The following FGGY variants were observed in gnomAD, a reference collection of about 807,000 sequenced individuals.
The protein encoded by FGGY is FGGY carbohydrate kinase domain containing.
In FGGY, 72 loss-of-function variants were observed where a neutral mutation model predicts 71.3. The observed-to-expected ratio is 1.01, with a 90% CI of 0.84 to 1.23. The LOEUF (loss-of-function observed/expected upper bound fraction) is 1.23, where lower values mean the gene tolerates loss of function less well. Ranked by LOEUF, FGGY falls within the 50% of genes most tolerant of loss-of-function variation. FGGY has a pLI of 0.00. For missense variants in FGGY, 668 were observed against 682.3 expected, an observed-to-expected ratio of 0.98 and a Z score of 0.23; for synonymous variants, 251 against 250.3, an observed-to-expected ratio of 1.00 and a Z score of -0.02.
At position 59,489,110 on chromosome 1, in the gene FGGY, A is replaced by T. The variant is rs1341031456; in HGVS notation, c.671-23201A>T. ...AAAAATAATTTTTTATTTTTAATTG[A>T]CGTTTTATACATATTTAGGGGGTAC... On this transcript the variant is annotated intron_variant, in intron 6 of 15. Transcript: ENST00000303721. Among the ~76,000 whole-genome samples, 4 of 152,208 alleles carry T rather than the reference A, an allele frequency of 2.6e-5. No individual in the cohort carries two copies. In the East Asian group the frequency reaches 7.7e-4, roughly 29 times the overall value.
At chr1:59,499,151 TG>T (rs2094139231) in intron 6 of FGGY, among the ~76,000 whole-genome samples, 2 of 152,156 alleles carry the variant, frequency 1.3e-5, no homozygotes, top group Non-Finnish European at 2.9e-5. Context: ...AGCTGTTGCA[TG>T]TATCACCCCT....
At chr1:59,346,181 A>C in intron 3 of FGGY, 66 bp from the exon 4 acceptor site, 1 of 1,582,528 alleles carries the variant, frequency 6.3e-7, no homozygotes, top group Non-Finnish European at 8.6e-7. Flanking sequence ...GGAATCCATA[A>C]TTGTTCCCTT....
chr1:59,647,983 G>A (rs1420179808), intron 11 of FGGY, among the ~76,000 whole-genome samples: 2 of 87,160 alleles, frequency 2.3e-5, no homozygotes, highest in Non-Finnish European at 4.4e-5. Flanking sequence ...CCACCTATGA[G>A]TGAGAATATG....
intron 14 of FGGY, among the ~76,000 whole-genome samples, chr1:59,744,899 A>G (rs531799372): frequency 2.2e-4 from 34 of 152,352 alleles, no homozygotes; most frequent in African/African-American, 5.8e-4. Context: ...GCTGAATGAT[A>G]AGACAGAGGA....
At chr1:59,308,619 C>T (rs1189681542) in intron 1 of FGGY, among the ~76,000 whole-genome samples, 1 of 152,164 alleles carries the variant, frequency 6.6e-6, no homozygotes, top group Non-Finnish European at 1.5e-5. Context: ...GACTGCTGAA[C>T]CCCACCCCAG....
chr1:59,662,640 C>G (rs1222856582), intron 12 of FGGY, among the ~76,000 whole-genome samples: 1 of 152,140 alleles, frequency 6.6e-6, no homozygotes, highest in Non-Finnish European at 1.5e-5. Flanking sequence ...TGTACCTTTT[C>G]TATGTTTAGA....
chr1:59,500,686 A>G (rs1049162908), intron 6 of FGGY, among the ~76,000 whole-genome samples: 1 of 150,094 alleles, frequency 6.7e-6, no homozygotes, highest in African/African-American at 2.4e-5. Context: ...AAAAAAAAAA[A>G]GGAAGAAACA....
At chr1:59,340,275 G>A (rs11590639) in intron 3 of FGGY, among the ~76,000 whole-genome samples, 29,059 of 152,162 alleles carry the variant, frequency 0.19, 3,357 homozygotes, top group East Asian at 0.35. Context: ...GGATTAGGGG[G>A]ACTAGGCTTT....
intron 8 of FGGY, among the ~76,000 whole-genome samples, chr1:59,594,105 T>A (rs2096490585): frequency 2.0e-5 from 3 of 152,146 alleles, no homozygotes; most frequent in Admixed American, 2.0e-4. Flanking sequence ...GGACACAAAT[T>A]GAGAACCCAG....
intron 5 of FGGY, among the ~76,000 whole-genome samples, chr1:59,395,666 A>G (rs1030527661): frequency 1.3e-5 from 2 of 152,190 alleles, no homozygotes; most frequent in African/African-American, 4.8e-5. Flanking sequence ...TATTGTGAGT[A>G]TTTTAGATAC....
intron 8 of FGGY, among the ~76,000 whole-genome samples, chr1:59,600,928 G>A (rs1422363120): frequency 6.7e-6 from 1 of 150,172 alleles, no homozygotes; most frequent in Non-Finnish European, 1.5e-5. Flanking sequence ...TCTGAGAAAT[G>A]TAGAAATAAA....
intron 5 of FGGY, among the ~76,000 whole-genome samples, chr1:59,433,162 T>C (rs2067734116): frequency 6.6e-6 from 1 of 152,212 alleles, no homozygotes; most frequent in Non-Finnish European, 1.5e-5. Flanking sequence ...GTTGTGGGGC[T>C]GTCCCATTGT....
intron 8 of FGGY, among the ~76,000 whole-genome samples, chr1:59,567,906 G>A (rs2095902901): frequency 6.7e-6 from 1 of 150,256 alleles, no homozygotes; most frequent in Non-Finnish European, 1.5e-5. Context: ...CAGCATTATT[G>A]CCCCTGTCTA....
At chr1:59,677,308 C>T (rs4244019) in intron 14 of FGGY, among the ~76,000 whole-genome samples, 110,625 of 151,712 alleles carry the variant, frequency 0.73, 41,288 homozygotes, top group East Asian at 0.83. Context: ...TACCTGCCTT[C>T]CCCTCCTTAA....
Position 59,511,056 on chromosome 1 carries a change from G to C in FGGY, c.671-1255G>C, listed in dbSNP as rs528563677. On this transcript the variant is annotated intron_variant, in intron 6 of 15. Transcript: ENST00000303721. The stretch of plus-strand genomic sequence containing the variant: ...ACATGTGACTAGTGGCTGCCATATT[G>C]GACAGCAGAGTTCTTCTAGAAGTCA... 1.5e-3 allele frequency among the ~76,000 whole-genome samples: 225 copies of C among 152,246 alleles called. 1 individual carries two copies. Among genetic ancestry groups the C allele is most frequent in the Non-Finnish European group, 2.8e-3 (189 of 68,012 alleles).
Position 59,298,249 on chromosome 1 carries a change from G to T in FGGY, c.-15+1099G>T, listed in dbSNP as rs61788313. 6.8e-3 allele frequency among the ~76,000 whole-genome samples: 1,028 copies of T among 152,248 alleles called. 8 individuals are homozygous for T. The highest frequency in any genetic ancestry group is 0.02 in the Middle Eastern group (6 of 294). On this transcript the variant is annotated intron_variant, in intron 1 of 15. Coordinates refer to ENST00000303721, the MANE Select transcript of FGGY (RefSeq NM_018291.5). ...CCTGTTAATGGGGCCCTCATGCTTGGCTCTTGACCTGATGGCCACTGGCCT... is the reference window on the plus strand; with the variant it reads ...CCTGTTAATGGGGCCCTCATGCTTGTCTCTTGACCTGATGGCCACTGGCCT...
intron 14 of FGGY, among the ~76,000 whole-genome samples, chr1:59,734,759 C>T (rs570664073): frequency 1.3e-5 from 2 of 152,312 alleles, no homozygotes; most frequent in Non-Finnish European, 2.9e-5. Context: ...CTGACAGGGA[C>T]TGCCCTCCCA....
intron 7 of FGGY, among the ~76,000 whole-genome samples, chr1:59,517,089 T>A (rs978455549): frequency 3.3e-5 from 5 of 152,106 alleles, no homozygotes; most frequent in Admixed American, 1.3e-4. Flanking sequence ...TTGTTTGCAC[T>A]TTGTGGGGGT....
rs547207337 is a variant in FGGY, at chr1:59,583,929, G to A, written c.904-23874G>A. 2.6e-5 allele frequency among the ~76,000 whole-genome samples: 3 copies of A among 116,362 alleles called. 1 individual carries two copies. The highest frequency in any genetic ancestry group is 8.6e-4 in the South Asian group (2 of 2,338). 76.3% of individuals were successfully genotyped at this position (116,362 alleles called of 152,430 possible). ...AGCTGACAGCTAACCACTGCTGCTC[G>A]GAAGTGTCGACGGCTCACCACTTAT... On this transcript the variant is annotated intron_variant, in intron 8 of 15. Transcript: ENST00000303721.
Sources: allele counts gnomAD v4.1 joint callset (sites outside exome capture counted in the v4.1 genomes callset), GRCh38; gene constraint gnomAD v4.1.1; transcripts MANE v1.5; gene names NCBI Gene and HGNC (gene_info 2026-07-23, HGNC 2026-07-21).